KCNIP4: variants seen among roughly 807,000 people sequenced by gnomAD.
KCNIP4 encodes potassium voltage-gated channel interacting protein 4, also known as Kv channel-interacting protein 4.
Under a neutral mutation model 34.0 loss-of-function variants are expected in KCNIP4, and 12 were observed. The observed-to-expected ratio is 0.35, with a 90% CI of 0.23 to 0.57. The LOEUF (loss-of-function observed/expected upper bound fraction) is 0.57. Ranked by LOEUF, KCNIP4 falls within the 20% of genes least tolerant of loss-of-function variation. The pLI, the probability that KCNIP4 is intolerant of heterozygous loss-of-function variation, is 0.83. For missense variants in KCNIP4, 238 were observed against 311.7 expected (o/e 0.76, Z 1.78); for synonymous variants, 124 against 102.2 (o/e 1.21, Z -1.29).
At chr4:21,506,095 C>T (rs2109905888) in intron 1 of KCNIP4, among the ~76,000 whole-genome samples, 1 of 152,286 alleles carries the variant, frequency 6.6e-6, no homozygotes, top group East Asian at 1.9e-4. Context: ...GAGCAAGACT[C>T]CATCTCAAAA....
chr4:21,713,757 G>A (rs73256534), intron 1 of KCNIP4, among the ~76,000 whole-genome samples: 46,964 of 151,960 alleles, frequency 0.31, 9,328 homozygotes, highest in Non-Finnish European at 0.43. Flanking sequence ...TACATGCCCT[G>A]CCCACACATA....
chr4:21,328,395 C>G (rs1374551499), intron 1 of KCNIP4, among the ~76,000 whole-genome samples: 1 of 152,172 alleles, frequency 6.6e-6, no homozygotes, highest in Non-Finnish European at 1.5e-5. Context: ...CTCTTCTTCT[C>G]TTCCCTCAAC....
intron 1 of KCNIP4, among the ~76,000 whole-genome samples, chr4:21,147,383 T>C (rs1752436758): frequency 6.6e-6 from 1 of 152,116 alleles, no homozygotes; most frequent in Non-Finnish European, 1.5e-5. Flanking sequence ...TGTAAATAGT[T>C]CCTTTATTAA....
At chr4:20,808,151 C>T (rs989183349) in intron 3 of KCNIP4, among the ~76,000 whole-genome samples, 6 of 152,090 alleles carry the variant, frequency 3.9e-5, no homozygotes, top group African/African-American at 1.2e-4. Context: ...TGAGTAGATA[C>T]CCTGCTACAC....
At chr4:21,258,822 C>T (rs1761256764) in intron 1 of KCNIP4, among the ~76,000 whole-genome samples, 1 of 152,122 alleles carries the variant, frequency 6.6e-6, no homozygotes, top group Admixed American at 6.5e-5. Flanking sequence ...AACATTCCTA[C>T]ATTTGCATAA....
intron 1 of KCNIP4, among the ~76,000 whole-genome samples, chr4:20,918,122 C>T (rs945696417): frequency 2.0e-5 from 3 of 152,002 alleles, no homozygotes; most frequent in Non-Finnish European, 4.4e-5. Context: ...CAATACATTG[C>T]AGAGTTGGAC....
intron 1 of KCNIP4, among the ~76,000 whole-genome samples, chr4:21,140,567 G>A (rs995063156): frequency 7.2e-5 from 11 of 151,986 alleles, no homozygotes; most frequent in African/African-American, 1.7e-4. Context: ...AACGCACCCC[G>A]CTATTCTAAA....
chr4:21,410,553 C>G (rs1163936926), intron 1 of KCNIP4, among the ~76,000 whole-genome samples: 1 of 152,146 alleles, frequency 6.6e-6, no homozygotes, highest in East Asian at 1.9e-4. Context: ...CCAGTACCAC[C>G]TTGTTAGCCA....
At chr4:21,628,977 T>C (rs975684712) in intron 1 of KCNIP4, among the ~76,000 whole-genome samples, 1 of 152,192 alleles carries the variant, frequency 6.6e-6, no homozygotes, top group Non-Finnish European at 1.5e-5. Context: ...TACAAAAGTA[T>C]ATACATTTAA....
intron 1 of KCNIP4, among the ~76,000 whole-genome samples, chr4:21,812,464 TA>T (rs1187471414): frequency 2.6e-5 from 4 of 151,924 alleles, no homozygotes; most frequent in Non-Finnish European, 5.9e-5. Flanking sequence ...AGAGACAAAC[TA>T]AAAAAAGTAA....
At chr4:20,863,857 A>C (rs1038948370) in intron 2 of KCNIP4, among the ~76,000 whole-genome samples, 7 of 152,106 alleles carry the variant, frequency 4.6e-5, no homozygotes, top group African/African-American at 1.4e-4. Flanking sequence ...TAGAAGTTAA[A>C]ACGAAGGAAG....
chr4:21,013,288 G>A (rs183072672), intron 1 of KCNIP4, among the ~76,000 whole-genome samples: 2 of 152,230 alleles, frequency 1.3e-5, no homozygotes, highest in African/African-American at 4.8e-5. Flanking sequence ...GCAGGAATTA[G>A]GTTAGGAGGT....
chr4:20,755,515 C>T (rs925145391), intron 4 of KCNIP4, among the ~76,000 whole-genome samples: 3 of 152,172 alleles, frequency 2.0e-5, no homozygotes, highest in Non-Finnish European at 4.4e-5. Flanking sequence ...TGTCCCATGA[C>T]CTGTGGATAC....
chr4:20,997,361 T>C (rs927407411), intron 1 of KCNIP4, among the ~76,000 whole-genome samples: 1 of 152,068 alleles, frequency 6.6e-6, no homozygotes, highest in Non-Finnish European at 1.5e-5. Context: ...CAGCAGAGCA[T>C]GGTAGCGTAT....
At chr4:21,595,452 G>A (rs911880172) in intron 1 of KCNIP4, among the ~76,000 whole-genome samples, 22 of 152,172 alleles carry the variant, frequency 1.4e-4, no homozygotes, top group African/African-American at 5.1e-4. Flanking sequence ...CAGTAAACAT[G>A]AGTATGCATG....
intron 1 of KCNIP4, among the ~76,000 whole-genome samples, chr4:21,779,309 TA>T: frequency 6.6e-6 from 1 of 152,150 alleles, no homozygotes; most frequent in Non-Finnish European, 1.5e-5. Flanking sequence ...TTAAAAAGCA[TA>T]AAAATACTAA....
At chr4:21,772,324 C>A (rs1718855362) in intron 1 of KCNIP4, among the ~76,000 whole-genome samples, 1 of 152,080 alleles carries the variant, frequency 6.6e-6, no homozygotes, top group South Asian at 2.1e-4. Context: ...ATTTAGTTTG[C>A]CAGTATTTTA....
intron 1 of KCNIP4, among the ~76,000 whole-genome samples, chr4:21,125,337 C>T (rs1167113467): frequency 5.3e-5 from 8 of 151,748 alleles, no homozygotes; most frequent in Admixed American, 5.3e-4. Context: ...CTGCCTCAGC[C>T]TCCTGAGTAG....
chr4:20,932,962 A>T (rs1259471554), intron 1 of KCNIP4, among the ~76,000 whole-genome samples: 2 of 152,038 alleles, frequency 1.3e-5, no homozygotes, highest in Non-Finnish European at 2.9e-5. Flanking sequence ...TGCAGAGTAG[A>T]AGACCAGGCA....
Sources: gnomAD v4.1 joint callset for allele counts (sites outside exome capture counted in the v4.1 genomes callset) on GRCh38, gnomAD v4.1.1 for gene constraint, MANE v1.5 for transcripts, NCBI Gene and HGNC (gene_info 2026-07-23, HGNC 2026-07-21) for gene names.